Variants in RPH3AL observed in about 807,000 individuals in gnomAD.
The protein encoded by RPH3AL is rabphilin 3A like (without C2 domains).
RPH3AL carries 38 observed loss-of-function variants against 43.1 expected under a neutral mutation model. The ratio of observed to expected loss-of-function variants is 0.88; its 90% confidence interval spans 0.68 to 1.15. The LOEUF is 1.15. RPH3AL is among the 50% of genes most tolerant of loss of function. RPH3AL has a pLI of 0.00. For missense variants in RPH3AL, 462 were observed against 423.2 expected (o/e 1.09, Z -0.81); for synonymous variants, 189 against 176.3 (o/e 1.07, Z -0.57).
rs1567576806 is a variant in RPH3AL at position 242,710 on chromosome 17, TTACCTTCCTCTATTGAC to T, written c.613+4384_613+4400del. Among the ~76,000 whole-genome samples the T allele has an allele frequency of 2.4e-3, 149 of 62,490 alleles. 17 individuals carry two copies. Among genetic ancestry groups the T allele is most frequent in the Non-Finnish European group, 3.7e-3 (113 of 30,802 alleles). The allele number at this position is 62,490 out of a possible 152,430, so 41.0% of individuals were successfully genotyped here. On this transcript the variant is annotated intron_variant, in intron 7 of 9. Coordinates refer to ENST00000331302, the MANE Select transcript of RPH3AL (RefSeq NM_006987.4). ...TCTATTGATTACCTTCCTCTATTGA[TTACCTTCCTCTATTGAC>T]TACCTTCCTCTATTGATTACCTTCC... is the stretch of plus-strand genomic sequence containing the variant.
intron 5 of RPH3AL, among the ~76,000 whole-genome samples, chr17:299,926 G>GAC (rs2043279889): frequency 6.6e-6 from 1 of 152,238 alleles, no homozygotes; most frequent in African/African-American, 2.4e-5. Flanking sequence ...GTCCCTGCAG[G>GAC]ACAGCCCTGA....
chr17:336,986 C>T (rs138375893), intron 1 of RPH3AL, among the ~76,000 whole-genome samples: 27 of 152,346 alleles, frequency 1.8e-4, no homozygotes, highest in Middle Eastern at 3.4e-3. Flanking sequence ...CATTTCATTC[C>T]GCCCGCATCC....
chr17:268,459 T>A (rs1361053267), intron 6 of RPH3AL, among the ~76,000 whole-genome samples: 1 of 152,106 alleles, frequency 6.6e-6, no homozygotes, highest in Non-Finnish European at 1.5e-5. Context: ...GTTAACTGAA[T>A]GTTTTTTATT....
chr17:301,051 C>G (rs1218905693), intron 5 of RPH3AL, among the ~76,000 whole-genome samples: 1 of 152,264 alleles, frequency 6.6e-6, no homozygotes, highest in Non-Finnish European at 1.5e-5. Flanking sequence ...GTGGGACAGA[C>G]CAGGGCAAGG....
Position 322,061 on chromosome 17 carries a change from G to C in RPH3AL, c.78-646C>G, listed in dbSNP as rs1441324322. Among the ~76,000 whole-genome samples, 1 of 152,186 alleles carries C rather than the reference G, an allele frequency of 6.6e-6. No homozygotes were observed. ...GTTGATATGAACACTTTGAAAACTA[G>C]CAGGTTCGAGGCGGGGGGGAAGCGA... On this transcript the variant is annotated intron_variant, in intron 3 of 9. Transcript: ENST00000331302. The surrounding 1 kb of genome is among the most constrained non-coding windows in gnomAD (Gnocchi z 4.0).
At chr17:285,376 A>C (rs1306429476) in intron 5 of RPH3AL, among the ~76,000 whole-genome samples, 1 of 152,172 alleles carries the variant, frequency 6.6e-6, no homozygotes, top group Non-Finnish European at 1.5e-5. Flanking sequence ...TCTCAGCTGT[A>C]AAGTGGGATA....
intron 5 of RPH3AL, among the ~76,000 whole-genome samples, chr17:284,143 C>T (rs571749672): frequency 1.3e-4 from 20 of 152,242 alleles, no homozygotes; most frequent in Middle Eastern, 3.4e-3. Flanking sequence ...GGCTGCTGAA[C>T]GAGGCGATGC....
At chr17:300,240 C>A (rs1436440186) in intron 5 of RPH3AL, among the ~76,000 whole-genome samples, 2 of 95,966 alleles carry the variant, frequency 2.1e-5, no homozygotes, top group Non-Finnish European at 2.1e-5. Flanking sequence ...GCTGGCCCAG[C>A]CTAGGCCTGC....
intron 5 of RPH3AL, among the ~76,000 whole-genome samples, chr17:314,671 A>G (rs2043830737): frequency 6.8e-6 from 1 of 146,094 alleles, no homozygotes; most frequent in Non-Finnish European, 1.5e-5. Flanking sequence ...ATTGACCTGT[A>G]GTCTCTGTGA....
chr17:327,415 G>T, intron 3 of RPH3AL, 52 bp downstream of exon 3: 1 of 1,475,126 alleles, frequency 6.8e-7, no homozygotes, highest in Non-Finnish European at 9.5e-7. Flanking sequence ...GACAGGAGAG[G>T]AGCAGGGAGG....
At position 219,803 on chromosome 17, in the gene RPH3AL, G is replaced by A. The variant is rs2040912386; in HGVS notation, c.614-67C>T. 3 of 1,228,618 alleles carry A rather than the reference G, an allele frequency of 2.4e-6. No individual in the cohort carries two copies. The African/African-American group carries it at 4.5e-5, about 18-fold the overall frequency. The allele number at this position is 1,228,618 out of a possible 1,614,324, so 76.1% of individuals were successfully genotyped here. ...CCCCTACCTGCAGGCATGGACGGAG[G>A]GACGAGGGCAGGCCTCCCCAGCTCA... On this transcript the variant is annotated intron_variant, in intron 7 of 9. Coordinates refer to ENST00000331302, the MANE Select transcript of RPH3AL (RefSeq NM_006987.4).
At chr17:237,282 G>A (rs530938627) in intron 7 of RPH3AL, among the ~76,000 whole-genome samples, 4 of 152,340 alleles carry the variant, frequency 2.6e-5, no homozygotes, top group African/African-American at 4.8e-5. Context: ...TGAAGTGATC[G>A]TGAAACTCCC....
chr17:285,244 G>A (rs903672300), intron 5 of RPH3AL, among the ~76,000 whole-genome samples: 1 of 152,152 alleles, frequency 6.6e-6, no homozygotes, highest in African/African-American at 2.4e-5. Context: ...ACCAGATCCT[G>A]TTCCTGAGAC....
intron 1 of RPH3AL, among the ~76,000 whole-genome samples, chr17:337,977 C>T (rs1044933499): frequency 7.2e-5 from 11 of 152,228 alleles, no homozygotes; most frequent in Non-Finnish European, 1.2e-4. Context: ...TCTGCAAAGC[C>T]TCCAATGCAA....
At chr17:236,449 A>G (rs1597901887) in intron 7 of RPH3AL, among the ~76,000 whole-genome samples, 1 of 151,966 alleles carries the variant, frequency 6.6e-6, no homozygotes, top group Admixed American at 6.6e-5. Context: ...ACTATCGGAC[A>G]CTGGCCACGC....
chr17:249,274 C>A (rs928365351), intron 6 of RPH3AL, among the ~76,000 whole-genome samples: 5 of 152,140 alleles, frequency 3.3e-5, no homozygotes, highest in Non-Finnish European at 7.4e-5. Context: ...TCCGAGCCGA[C>A]GTCCTGAATC....
At chr17:250,086 G>T (rs1256006822) in intron 6 of RPH3AL, among the ~76,000 whole-genome samples, 1 of 135,860 alleles carries the variant, frequency 7.4e-6, no homozygotes, top group Non-Finnish European at 1.6e-5. Context: ...CCATCACTGC[G>T]GGACCTCTCA....
intron 5 of RPH3AL, among the ~76,000 whole-genome samples, chr17:316,753 A>C (rs1361595228): frequency 1.9e-4 from 20 of 107,270 alleles, no homozygotes; most frequent in East Asian, 2.8e-4. Context: ...CATGTGCCCC[A>C]CCTCCATTGA....
intron 5 of RPH3AL, among the ~76,000 whole-genome samples, chr17:315,286 GCCCCCAC>G (rs1567509858): frequency 2.4e-5 from 2 of 82,922 alleles, no homozygotes; most frequent in Non-Finnish European, 4.9e-5. Flanking sequence ...TAGTCCCTGT[GCCCCCAC>G]CTCCAGTGAC....
Sources: gnomAD v4.1 joint callset for allele counts (sites outside exome capture counted in the v4.1 genomes callset) on GRCh38, gnomAD v4.1.1 for gene constraint, Gnocchi (gnomAD v3.1) non-coding constraint, MANE v1.5 for transcripts, NCBI Gene and HGNC (gene_info 2026-07-23, HGNC 2026-07-21) for gene names.